The following FAM184A variants were observed in gnomAD, a reference collection of about 807,000 sequenced individuals.
FAM184A encodes family with sequence similarity 184 member A, also known as protein FAM184A.
In FAM184A, 99 loss-of-function variants were observed where a neutral mutation model predicts 143.8. The observed-to-expected ratio is 0.69, with a 90% CI of 0.58 to 0.81. FAM184A has a LOEUF of 0.81. Ranked by LOEUF, FAM184A falls within the 40% of genes least tolerant of loss-of-function variation. The probability of loss-of-function intolerance (pLI) is 0.00; values close to 1 mark genes in which losing one functional copy is unlikely to be tolerated. For missense variants in FAM184A, 1,217 were observed against 1,310.5 expected (o/e 0.93, Z 1.10); for synonymous variants, 427 against 446.4 (o/e 0.96, Z 0.55).
chr6:119,097,985 C>A (rs1038851314), intron 1 of FAM184A, among the ~76,000 whole-genome samples: 1 of 152,154 alleles, frequency 6.6e-6, no homozygotes, highest in Non-Finnish European at 1.5e-5. Context: ...ACAACCACAC[C>A]GAGGTTTTGC....
chr6:119,080,666 G>A (rs1246228809), upstream of FAM184A, among the ~76,000 whole-genome samples: 1 of 152,144 alleles, frequency 6.6e-6, no homozygotes, highest in Non-Finnish European at 1.5e-5. Context: ...TACTGGTTGA[G>A]CTTCCCAAAT....
intron 14 of FAM184A, among the ~76,000 whole-genome samples, chr6:118,970,911 G>C (rs1334866888): frequency 1.3e-5 from 2 of 152,046 alleles, no homozygotes; most frequent in African/African-American, 2.4e-5. Flanking sequence ...TGTATACAAA[G>C]TTTCCAAGTT....
At chr6:119,122,592 G>A (rs1376203011) in intron 1 of FAM184A, among the ~76,000 whole-genome samples, 3 of 152,144 alleles carry the variant, frequency 2.0e-5, no homozygotes, top group Non-Finnish European at 4.4e-5. Flanking sequence ...ACGTGCACAT[G>A]CACAACTGAG....
chr6:119,062,809 CAA>C (rs1787309295), intron 1 of FAM184A, among the ~76,000 whole-genome samples: 1 of 152,102 alleles, frequency 6.6e-6, no homozygotes, highest in African/African-American at 2.4e-5. Flanking sequence ...AGAGGTTTAC[CAA>C]AGACTGCTTT....
intron 1 of FAM184A, among the ~76,000 whole-genome samples, chr6:119,136,142 G>A (rs1789654911): frequency 1.3e-5 from 2 of 150,066 alleles, no homozygotes; most frequent in African/African-American, 4.9e-5. Context: ...GCCGGGCGCG[G>A]TGGCGGGCGC....
chr6:119,125,637 T>C (rs1789344127), intron 1 of FAM184A, among the ~76,000 whole-genome samples: 1 of 152,232 alleles, frequency 6.6e-6, no homozygotes, highest in South Asian at 2.1e-4. Flanking sequence ...CATTGTTGGA[T>C]AGCATGAGTT....
intron 6 of FAM184A, among the ~76,000 whole-genome samples, chr6:119,010,614 C>G (rs1785059166): frequency 6.6e-6 from 1 of 152,094 alleles, no homozygotes; most frequent in African/African-American, 2.4e-5. Context: ...GTCTCTTCAT[C>G]TCTCCCAGTT....
intron 14 of FAM184A, among the ~76,000 whole-genome samples, chr6:118,967,485 A>C (rs1036209600): frequency 6.6e-6 from 1 of 152,146 alleles, no homozygotes; most frequent in Non-Finnish European, 1.5e-5. Flanking sequence ...AAAATTCTAT[A>C]TTATCAGCCA....
intron 9 of FAM184A, among the ~76,000 whole-genome samples, chr6:118,995,794 A>G (rs1784526490): frequency 6.6e-6 from 1 of 152,234 alleles, no homozygotes; most frequent in African/African-American, 2.4e-5. Context: ...TATTTTTAGT[A>G]TCTCATCACA....
intron 1 of FAM184A, among the ~76,000 whole-genome samples, chr6:119,145,178 G>C (rs577523427): frequency 1.2e-4 from 19 of 152,156 alleles, no homozygotes; most frequent in Non-Finnish European, 2.6e-4. Flanking sequence ...CTCCCTCTCT[G>C]CTGGTCCCTA....
chr6:119,077,618 G>C (rs992376881), intron 1 of FAM184A, among the ~76,000 whole-genome samples: 3 of 152,200 alleles, frequency 2.0e-5, no homozygotes, highest in Non-Finnish European at 4.4e-5. Context: ...TTGACATTTT[G>C]TCAGGATAAG....
At chr6:118,981,442 G>C (rs752730483) in intron 9 of FAM184A, among the ~76,000 whole-genome samples, 2 of 152,194 alleles carry the variant, frequency 1.3e-5, no homozygotes, top group African/African-American at 2.4e-5. Context: ...GGCCAAAAAA[G>C]CCAATGAAAA....
rs538203467 is a variant in FAM184A, at chr6:119,140,753, G to T, written c.-202+8325C>A. On this transcript the variant is annotated intron_variant, in intron 1 of 16. Coordinates refer to the FAM184A transcript ENST00000352896. ...CTCCAAGCAGGAAAACCGGTGAAAG[G>T]GAGGCGAGGGAGGGTCTCTCTTTCT... is the stretch of plus-strand genomic sequence containing the variant. 4.6e-5 allele frequency among the ~76,000 whole-genome samples: 7 copies of T among 152,312 alleles called. No homozygotes were observed. In the East Asian group the frequency reaches 1.2e-3, roughly 25 times the overall value.
intron 1 of FAM184A, among the ~76,000 whole-genome samples, chr6:119,106,203 T>C (rs1260231227): frequency 6.6e-6 from 1 of 151,364 alleles, no homozygotes; most frequent in Non-Finnish European, 1.5e-5. Context: ...CCATCCTGGC[T>C]AACACGGTGA....
intron 17 of FAM184A, 34 bp downstream of exon 17, chr6:118,961,727 G>T (rs375654507): frequency 2.6e-6 from 4 of 1,559,780 alleles, no homozygotes; most frequent in Admixed American, 1.8e-5. Flanking sequence ...AGTTAAAAAA[G>T]AAAAGAAAAA....
intron 1 of FAM184A, among the ~76,000 whole-genome samples, chr6:119,121,818 G>A (rs1789222032): frequency 6.6e-6 from 1 of 152,222 alleles, no homozygotes; most frequent in South Asian, 2.1e-4. Context: ...AAAAAGAACA[G>A]TATTGAACGC....
intron 1 of FAM184A, among the ~76,000 whole-genome samples, chr6:119,035,756 A>G (rs1277236023): frequency 1.3e-5 from 2 of 152,140 alleles, no homozygotes; most frequent in African/African-American, 4.8e-5. Context: ...CTGCCAAAAA[A>G]AATTTTTTTT....
chr6:119,119,570 G>A (rs1437676715), intron 1 of FAM184A, among the ~76,000 whole-genome samples: 2 of 151,910 alleles, frequency 1.3e-5, no homozygotes, highest in Admixed American at 6.6e-5. Context: ...TTTAAAAATT[G>A]TTAGTATATG....
At chr6:119,040,246 T>G (rs758119551) in intron 1 of FAM184A, among the ~76,000 whole-genome samples, 7 of 152,232 alleles carry the variant, frequency 4.6e-5, no homozygotes, top group Non-Finnish European at 8.8e-5. Context: ...TGGACCCGTA[T>G]GGATTTGCCG....
Sources: allele counts gnomAD v4.1 joint callset (sites outside exome capture counted in the v4.1 genomes callset), GRCh38; gene constraint gnomAD v4.1.1; transcripts MANE v1.5; gene names NCBI Gene and HGNC (gene_info 2026-07-23, HGNC 2026-07-21).